TTLL5: variants seen among roughly 807,000 people sequenced by gnomAD.
TTLL5 encodes tubulin polyglutamylase TTLL5.
TTLL5 carries 132 observed loss-of-function variants against 168.4 expected under a neutral mutation model. The observed-to-expected ratio is 0.78, with a 90% CI of 0.68 to 0.91. TTLL5 has a LOEUF of 0.91. TTLL5 is among the 40% of genes least tolerant of loss of function. The pLI, the probability that TTLL5 is intolerant of heterozygous loss-of-function variation, is 0.00. For missense variants in TTLL5, 1,545 were observed against 1,581.5 expected (o/e 0.98, Z 0.39); for synonymous variants, 546 against 558.6 (o/e 0.98, Z 0.32).
chr14:75,850,088 A>G (rs962581443), intron 28 of TTLL5, among the ~76,000 whole-genome samples: 5 of 151,816 alleles, frequency 3.3e-5, no homozygotes, highest in Non-Finnish European at 5.9e-5. Flanking sequence ...TCTGAGTGAC[A>G]GGGTCTCAAA....
chr14:75,670,878 T>G (rs1049470164), intron 3 of TTLL5, among the ~76,000 whole-genome samples: 22 of 152,272 alleles, frequency 1.4e-4, no homozygotes, highest in Non-Finnish European at 2.9e-4. Context: ...GTTAGTGTTC[T>G]TTCATGAGCA....
chr14:75,893,336 A>G (rs558552840), intron 30 of TTLL5, among the ~76,000 whole-genome samples: 2 of 152,376 alleles, frequency 1.3e-5, no homozygotes, highest in East Asian at 3.9e-4. Flanking sequence ...GCAAGAAACC[A>G]GAACATTAAG....
At chr14:75,935,283 G>A (rs1000145729) in intron 31 of TTLL5, among the ~76,000 whole-genome samples, 8 of 152,204 alleles carry the variant, frequency 5.3e-5, no homozygotes, top group Non-Finnish European at 8.8e-5. Context: ...TTTCTTGAGT[G>A]ATGCTAATAT....
At position 75,752,918 on chromosome 14, in the gene TTLL5, A is replaced by G. The variant is rs781316021; in HGVS notation, c.1513A>G (p.Met505Val). ...GTCCTACCTCGAGCATAAGACCTCA[A>G]TGAACTATATGCTGGCAACACGCCT... ...YGSYLEHKTS[M>V]NYMLATRLFQ... Residue 505 changes from methionine to valine, a missense_variant, in exon 18 of 32, where the codon ATG becomes GTG. Physicochemically the swap from Met to Val is conservative, Grantham distance 21 (BLOSUM62 1). Transcript: ENST00000298832. 117 of 1,613,514 alleles carry G rather than the reference A, an allele frequency of 7.3e-5. No individual in the cohort carries two copies. Among genetic ancestry groups the G allele is most frequent in the African/African-American group, 9.3e-5 (7 of 74,914 alleles).
chr14:75,876,108 T>G (rs555901169), intron 29 of TTLL5, among the ~76,000 whole-genome samples: 1 of 152,210 alleles, frequency 6.6e-6, no homozygotes, highest in African/African-American at 2.4e-5. Context: ...TGTGGCTAGA[T>G]GAAGGTGTGG....
chr14:75,686,545 T>A (rs1472252918), intron 5 of TTLL5, among the ~76,000 whole-genome samples: 2 of 152,266 alleles, frequency 1.3e-5, no homozygotes, highest in African/African-American at 4.8e-5. Context: ...AATACATTTA[T>A]AAACGTGGAT....
chr14:75,891,835 A>G (rs2032417688), intron 30 of TTLL5, among the ~76,000 whole-genome samples: 1 of 152,154 alleles, frequency 6.6e-6, no homozygotes, highest in Admixed American at 6.5e-5. Flanking sequence ...TTTTCTAGAG[A>G]TAGCACTAAG....
chr14:75,829,204 G>C (rs910474116), intron 28 of TTLL5, among the ~76,000 whole-genome samples: 3 of 152,120 alleles, frequency 2.0e-5, no homozygotes, highest in African/African-American at 7.2e-5. Flanking sequence ...GGGTAGATGG[G>C]GCTTGGATAG....
intron 31 of TTLL5, among the ~76,000 whole-genome samples, chr14:75,925,392 G>C (rs2034005088): frequency 3.6e-5 from 1 of 28,094 alleles, no homozygotes; most frequent in South Asian, 8.2e-4. Context: ...CGACCGGGCA[G>C]AGGCGCTCCT....
At chr14:75,811,153 A>AAGAG (rs759610326) in intron 27 of TTLL5, among the ~76,000 whole-genome samples, 6,372 of 117,876 alleles carry the variant, frequency 0.054, 202 homozygotes, top group South Asian at 0.079. Context: ...GAATGAAAGA[A>AAGAG]AGAGTGTGTG....
At chr14:75,815,354 C>A (rs1894332471) in intron 27 of TTLL5, among the ~76,000 whole-genome samples, 1 of 152,218 alleles carries the variant, frequency 6.6e-6, no homozygotes, top group South Asian at 2.1e-4. Flanking sequence ...GTAGCAGTCA[C>A]TTTTGCTGTT....
At chr14:75,686,357 T>G (rs1433205926) in intron 5 of TTLL5, among the ~76,000 whole-genome samples, 2 of 152,180 alleles carry the variant, frequency 1.3e-5, no homozygotes, top group Non-Finnish European at 2.9e-5. Context: ...CTCTCAATGA[T>G]GTAGTTAAGT....
At position 75,783,224 on chromosome 14, in the gene TTLL5, A is replaced by G. The variant is rs1364478984; in HGVS notation, c.2680A>G (p.Lys894Glu). 1.9e-6 allele frequency: 3 copies of G among 1,614,220 alleles called. No homozygotes were observed. The highest frequency in any genetic ancestry group is 2.2e-5 in the East Asian group (1 of 44,894). The change falls in exon 26 of 32, where the codon AAA becomes GAA. Residue 894 changes from lysine to glutamate, a missense_variant. Transcript: ENST00000298832. ...SSSGPTATLQ[K>E]IPNTHLSSVT... ...CTCTGGTCCTACTGCTACTCTGCAG[A>G]AAATTCCCAACACCCATTTGTCATC...
At chr14:75,790,209 T>TC (rs1449404257) in intron 26 of TTLL5, among the ~76,000 whole-genome samples, 1 of 152,134 alleles carries the variant, frequency 6.6e-6, no homozygotes, top group Non-Finnish European at 1.5e-5. Flanking sequence ...TTGTAAAACT[T>TC]CCATACTGAA....
chr14:75,947,705 G>A (rs2034818748), intron 31 of TTLL5, among the ~76,000 whole-genome samples: 1 of 152,140 alleles, frequency 6.6e-6, no homozygotes. Flanking sequence ...AGCACTTTGG[G>A]AGGCTAAGGC....
chr14:75,778,468 A>G (rs1891850496), intron 23 of TTLL5, among the ~76,000 whole-genome samples: 1 of 152,260 alleles, frequency 6.6e-6, no homozygotes, highest in Admixed American at 6.5e-5. Context: ...ACACACTGAC[A>G]GGCAAAGGTT....
intron 31 of TTLL5, among the ~76,000 whole-genome samples, chr14:75,935,538 T>C (rs1202554625): frequency 6.6e-6 from 1 of 152,178 alleles, no homozygotes; most frequent in Non-Finnish European, 1.5e-5. Flanking sequence ...GAGAGTGAGA[T>C]GGATGGTGGG....
intron 3 of TTLL5, among the ~76,000 whole-genome samples, chr14:75,673,846 T>G (rs1025840902): frequency 6.6e-6 from 1 of 152,174 alleles, no homozygotes; most frequent in African/African-American, 2.4e-5. Flanking sequence ...AGTTGCCAAG[T>G]TACCATTTAA....
chr14:75,682,688 A>G (rs965390929), intron 4 of TTLL5, among the ~76,000 whole-genome samples: 1 of 152,122 alleles, frequency 6.6e-6, no homozygotes, highest in Non-Finnish European at 1.5e-5. Flanking sequence ...TCCACTATAG[A>G]CACTTTGTGA....
Sources: gnomAD v4.1 joint callset for allele counts (sites outside exome capture counted in the v4.1 genomes callset) on GRCh38, gnomAD v4.1.1 for gene constraint, MANE v1.5 for transcripts, NCBI Gene and HGNC (gene_info 2026-07-23, HGNC 2026-07-21) for gene names.